The following MCMDC2 variants were observed in gnomAD, a reference collection of about 807,000 sequenced individuals.
The protein encoded by MCMDC2 is minichromosome maintenance domain-containing protein 2.
Under a neutral mutation model 75.8 loss-of-function variants are expected in MCMDC2, and 54 were observed. The observed-to-expected ratio is 0.71, with a 90% CI of 0.57 to 0.89. The LOEUF is 0.89. MCMDC2 is among the 40% of genes least tolerant of loss of function. MCMDC2 has a pLI of 0.00. For synonymous variants in MCMDC2, 249 were observed against 274.6 expected (o/e 0.91, Z 0.92); for missense variants, 656 against 780.4 (o/e 0.84, Z 1.90).
intron 13 of MCMDC2, among the ~76,000 whole-genome samples, chr8:66,903,670 C>T (rs1377358994): frequency 6.6e-6 from 1 of 152,132 alleles, no homozygotes; most frequent in Non-Finnish European, 1.5e-5. Flanking sequence ...AAACCCCTAG[C>T]TAGAAGAGTC....
intron 5 of MCMDC2, 100 bp from the exon 6 acceptor site, chr8:66,878,474 G>T (rs776473574): frequency 4.4e-5 from 51 of 1,165,170 alleles, no homozygotes; most frequent in Non-Finnish European, 5.7e-5. Context: ...AAAGAAAAAA[G>T]AAAATATAAA....
At chr8:66,910,246 A>G (rs1813049472) in intron 14 of MCMDC2, among the ~76,000 whole-genome samples, 1 of 152,230 alleles carries the variant, frequency 6.6e-6, no homozygotes, top group South Asian at 2.1e-4. Context: ...GACCTCCCAC[A>G]CACATAGTCC....
Position 66,875,038 on chromosome 8 carries a change from G to T in MCMDC2, c.285+452G>T, listed in dbSNP as rs1418070560. 4.6e-5 allele frequency among the ~76,000 whole-genome samples: 7 copies of T among 152,268 alleles called. No individual in the cohort carries two copies. In the East Asian group the frequency reaches 1.2e-3, roughly 25 times the overall value. ...TGAAGTGCTGGGATTACAGGCGTGAGCCACCGCGCCTGGCCAACATTAAAC... is the reference window on the plus strand; with the variant it reads ...TGAAGTGCTGGGATTACAGGCGTGATCCACCGCGCCTGGCCAACATTAAAC... On this transcript the variant is annotated intron_variant, in intron 4 of 14. Coordinates refer to ENST00000422365, the MANE Select transcript of MCMDC2 (RefSeq NM_173518.5).
intron 10 of MCMDC2, among the ~76,000 whole-genome samples, chr8:66,894,314 A>G (rs1025383282): frequency 6.6e-6 from 1 of 152,230 alleles, no homozygotes; most frequent in African/African-American, 2.4e-5. Flanking sequence ...AACACAAATG[A>G]CCAAGTAGCC....
Position 66,883,981 on chromosome 8 carries a change from C to CT in MCMDC2, c.1061dup (p.Leu355ThrfsTer9). 6.2e-7 allele frequency: 1 copy of CT among 1,605,950 alleles called. No individual in the cohort carries two copies. Among genetic ancestry groups the CT allele is most frequent in the Non-Finnish European group, 8.5e-7 (1 of 1,173,042 alleles). ...TATTTTAATTATAACAAGTGATACTCTACTCATAGACAGGTATATATGTGA... is the reference window on the plus strand; with the variant it reads ...TATTTTAATTATAACAAGTGATACTCTTACTCATAGACAGGTATATATGTGA... On this transcript the variant is annotated frameshift_variant, in exon 9 of 15. Coordinates refer to ENST00000422365, the MANE Select transcript of MCMDC2 (RefSeq NM_173518.5). LOFTEE classifies it high-confidence loss of function.
intron 9 of MCMDC2, chr8:66,884,446 C>T (rs1811738431): frequency 6.2e-6 from 1 of 161,840 alleles, no homozygotes; most frequent in Non-Finnish European, 1.3e-5. Context: ...GAGTAAGCCT[C>T]TATTTAGCAT....
rs1288649776 is a variant in MCMDC2, at chr8:66,896,295, A to T, written c.1405A>T (p.Arg469Trp). The T allele has an allele frequency of 6.2e-7, 1 of 1,610,790 alleles. No homozygotes were observed. The highest frequency in any genetic ancestry group is 8.5e-7 in the Non-Finnish European group (1 of 1,179,460). ...TTTTGTTGATGTGGATTCATCTTCAAGGAGAAATGCACAGAAAATCAACAC... is the reference window on the plus strand; with the variant it reads ...TTTTGTTGATGTGGATTCATCTTCATGGAGAAATGCACAGAAAATCAACAC... Reference protein sequence around the residue: ...WSFVDVDSSSRRNAQKINTLI... With the variant: ...WSFVDVDSSSWRNAQKINTLI... Residue 469 changes from arginine to tryptophan, a missense_variant, in exon 11 of 15, where the codon AGG becomes TGG. Transcript: ENST00000422365.
chr8:66,902,935 C>T (rs893386803), intron 13 of MCMDC2, among the ~76,000 whole-genome samples: 9 of 151,216 alleles, frequency 6.0e-5, no homozygotes, highest in Non-Finnish European at 1.3e-4. Flanking sequence ...GCCTGACTAA[C>T]GTGATGAAAC....
At chr8:66,909,124 C>A (rs1489274773) in intron 14 of MCMDC2, among the ~76,000 whole-genome samples, 1 of 152,130 alleles carries the variant, frequency 6.6e-6, no homozygotes, top group East Asian at 1.9e-4. Flanking sequence ...GGCTCTTCCC[C>A]CTTCGCTTGG....
intron 14 of MCMDC2, among the ~76,000 whole-genome samples, chr8:66,916,248 A>T (rs370758613): frequency 6.6e-6 from 1 of 152,184 alleles, no homozygotes; most frequent in African/African-American, 2.4e-5. Flanking sequence ...AGTACAAAAA[A>T]GGTGAGAGGG....
intron 8 of MCMDC2, 139 bp downstream of exon 8, chr8:66,881,113 T>G (rs2130802597): frequency 1.6e-6 from 1 of 642,840 alleles, no homozygotes; most frequent in East Asian, 3.8e-5. Context: ...CAGTCAAGGT[T>G]TCTGTTCTTA....
At chr8:66,926,200 T>C (rs1813709360), downstream of MCMDC2, 1 of 152,218 alleles carries the variant, frequency 6.6e-6, no homozygotes, top group South Asian at 2.1e-4. Context: ...TTACCTACCT[T>C]GTTTATGAAC....
At chr8:66,883,111 T>A (rs578228437) in intron 8 of MCMDC2, among the ~76,000 whole-genome samples, 1 of 152,264 alleles carries the variant, frequency 6.6e-6, no homozygotes, top group African/African-American at 2.4e-5. Flanking sequence ...CCACCCAAAT[T>A]ACCAATTGGA....
intron 4 of MCMDC2, among the ~76,000 whole-genome samples, chr8:66,876,007 G>A (rs543226902): frequency 1.3e-4 from 20 of 152,222 alleles, no homozygotes; most frequent in African/African-American, 4.6e-4. Flanking sequence ...ATTACATATT[G>A]TGCTATATCA....
At chr8:66,905,094 A>G in intron 13 of MCMDC2, 132 bp from the exon 14 acceptor site, 1 of 678,424 alleles carries the variant, frequency 1.5e-6, no homozygotes, top group Non-Finnish European at 2.1e-6. Flanking sequence ...AAAGAAACTA[A>G]AAATTTTTTT....
intron 9 of MCMDC2, among the ~76,000 whole-genome samples, chr8:66,887,539 GACCCTGTCTCA>G (rs978392847): frequency 6.6e-6 from 1 of 152,076 alleles, no homozygotes; most frequent in Non-Finnish European, 1.5e-5. Context: ...GACACAGCAA[GACCCTGTCTCA>G]AAAAAGAAAA....
chr8:66,874,477 A>G, intron 3 of MCMDC2, 21 bp downstream of exon 3: 1 of 1,612,072 alleles, frequency 6.2e-7, no homozygotes, highest in Non-Finnish European at 8.5e-7. Context: ...AAAAGAAATA[A>G]TTTTATGCCA....
intron 9 of MCMDC2, among the ~76,000 whole-genome samples, chr8:66,884,949 T>A (rs1811764859): frequency 6.6e-6 from 1 of 151,984 alleles, no homozygotes; most frequent in Non-Finnish European, 1.5e-5. Flanking sequence ...GCTAATTTTT[T>A]AATTTTTTAT....
chr8:66,903,711 A>G (rs1812795811), intron 13 of MCMDC2, among the ~76,000 whole-genome samples: 1 of 152,218 alleles, frequency 6.6e-6, no homozygotes, highest in African/African-American at 2.4e-5. Context: ...CCATTTCTAC[A>G]GACAGGTACC....
Sources: gnomAD v4.1 joint callset for allele counts (sites outside exome capture counted in the v4.1 genomes callset) on GRCh38, gnomAD v4.1.1 for gene constraint, MANE v1.5 for transcripts, NCBI Gene and HGNC (gene_info 2026-07-23, HGNC 2026-07-21) for gene names.